Variants in PDILT observed in about 807,000 individuals in gnomAD.
PDILT encodes the protein protein disulfide isomerase like, testis expressed, also known as protein disulfide-isomerase-like protein of the testis.
In PDILT, 43 loss-of-function variants were observed where a neutral mutation model predicts 53.7. The ratio of observed to expected loss-of-function variants is 0.80; its 90% CI spans 0.63 to 1.03. PDILT has a LOEUF of 1.03. Ranked by LOEUF, PDILT falls within the 50% of genes least tolerant of loss-of-function variation. The pLI is 0.00. For missense variants in PDILT, 727 were observed against 712.3 expected, an observed-to-expected ratio of 1.02 and a Z score of -0.24; for synonymous variants, 282 against 274.2, an observed-to-expected ratio of 1.03 and a Z score of -0.28.
chr16:20,398,047 G>C (rs1966684101), intron 2 of PDILT, among the ~76,000 whole-genome samples: 1 of 152,152 alleles, frequency 6.6e-6, no homozygotes. Flanking sequence ...TCCTTTCTGA[G>C]TTTCTGTTTC....
intron 7 of PDILT, 78 bp from the exon 8 acceptor site, chr16:20,369,767 G>T: frequency 7.0e-7 from 1 of 1,434,432 alleles, no homozygotes; most frequent in East Asian, 2.3e-5. Context: ...TGTGGACTAA[G>T]GGGATGCACA....
At chr16:20,392,944 C>T (rs753360120) in intron 2 of PDILT, among the ~76,000 whole-genome samples, 5 of 152,180 alleles carry the variant, frequency 3.3e-5, no homozygotes, top group Non-Finnish European at 7.3e-5. Flanking sequence ...CCAGCCTTAT[C>T]CATCCACTGC....
At chr16:20,362,380 A>G in intron 10 of PDILT, 24 bp downstream of exon 10, 3 of 1,612,182 alleles carry the variant, frequency 1.9e-6, no homozygotes, top group Non-Finnish European at 2.5e-6. Flanking sequence ...GTTTTCAGCC[A>G]TGTGCGTCCC....
At position 20,362,449 on chromosome 16, in the gene PDILT, C is replaced by T. The variant is rs758283687; in HGVS notation, c.1371G>A (p.Leu457=). Residue 457 remains leucine, a synonymous_variant, in exon 10 of 12, where the codon CTG becomes CTA. Transcript: ENST00000302451. ...VTANDIQLMY[L]DRYPFFRLFP... is the part of the protein sequence containing the mutation. ...ACAGCCTGAAGAATGGGTACCGGTC[C>T]AGGTACATCAGCTGAATGTCATTTG... The T allele has an allele frequency of 9.9e-6, 16 of 1,614,072 alleles. No homozygotes were observed. The highest frequency in any genetic ancestry group is 1.3e-5 in the Non-Finnish European group (15 of 1,180,048).
chr16:20,371,843 C>A lies in PDILT; in HGVS notation c.918+959G>T, dbSNP rs190687216. Among the ~76,000 whole-genome samples the A allele has an allele frequency of 5.9e-5, 9 of 151,878 alleles. No homozygotes were observed. In the East Asian group the frequency reaches 1.7e-3, roughly 29 times the overall value. On this transcript the variant is annotated intron_variant, in intron 7 of 11. Coordinates refer to ENST00000302451, the MANE Select transcript of PDILT (RefSeq NM_174924.2). ...TAGAGTAAAATTGGAAAAAAAAAGA[C>A]CCCCAAGACATATATTTAACAAGAG...
At chr16:20,403,205 C>T (rs537842095) in intron 1 of PDILT, among the ~76,000 whole-genome samples, 8 of 152,286 alleles carry the variant, frequency 5.3e-5, no homozygotes, top group African/African-American at 1.9e-4. Context: ...GGTGTGGTAA[C>T]CTCCTTACTG....
intron 1 of PDILT, among the ~76,000 whole-genome samples, chr16:20,402,013 C>T (rs1379489902): frequency 6.6e-6 from 1 of 152,264 alleles, no homozygotes; most frequent in African/African-American, 2.4e-5. Flanking sequence ...CGGTCAGACT[C>T]TGGCCACCAG....
chr16:20,386,503 A>G (rs1966540067), intron 2 of PDILT, among the ~76,000 whole-genome samples: 1 of 152,198 alleles, frequency 6.6e-6, no homozygotes, highest in South Asian at 2.1e-4. Flanking sequence ...GGTCTTTTGT[A>G]AAGTGCCGCT....
At chr16:20,399,933 G>A (rs1966708156) in intron 1 of PDILT, among the ~76,000 whole-genome samples, 1 of 152,042 alleles carries the variant, frequency 6.6e-6, no homozygotes, top group Admixed American at 6.6e-5. Flanking sequence ...TCACTGCTGA[G>A]AAAGTGACTC....
intron 9 of PDILT, among the ~76,000 whole-genome samples, chr16:20,364,172 C>G (rs1406321167): frequency 1.3e-5 from 2 of 152,214 alleles, no homozygotes; most frequent in African/African-American, 4.8e-5. Context: ...GAAAATGAAG[C>G]TGCTGTTGCC....
Position 20,374,807 on chromosome 16 carries a change from G to C in PDILT, c.681+15C>G. 1 of 1,604,218 alleles carries C rather than the reference G, an allele frequency of 6.2e-7. No homozygotes were observed. The highest frequency in any genetic ancestry group is 8.5e-7 in the Non-Finnish European group (1 of 1,175,784). ...AACCAGAGACCTCTCACTAGCAATAGGATCAAAATCCTACCTTTTTGAACA... is the reference window on the plus strand; with the variant it reads ...AACCAGAGACCTCTCACTAGCAATACGATCAAAATCCTACCTTTTTGAACA... On this transcript the variant is annotated intron_variant, in intron 5 of 11. Transcript: ENST00000302451.
chr16:20,360,749 C>T, intron 10 of PDILT, 92 bp from the exon 11 acceptor site: 6 of 891,320 alleles, frequency 6.7e-6, no homozygotes, highest in East Asian at 2.4e-5. Context: ...GGTCAAATTC[C>T]TAACAACCCC....
Position 20,362,589 on chromosome 16 carries a change from G to A in PDILT, c.1238-7C>T. On this transcript the variant is annotated splice_region_variant and splice_polypyrimidine_tract_variant and intron_variant, in intron 9 of 11. Transcript: ENST00000302451. ...TTTTTAGACCAGGGTGCATCTGGAA[G>A]AGAAGGTCCATGGCTCAGGCTCACA... 6.2e-7 allele frequency: 1 copy of A among 1,614,018 alleles called. No individual in the cohort carries two copies. The highest frequency in any genetic ancestry group is 8.5e-7 in the Non-Finnish European group (1 of 1,179,926).
chr16:20,364,631 C>A (rs946015905), intron 9 of PDILT, among the ~76,000 whole-genome samples: 1 of 152,184 alleles, frequency 6.6e-6, no homozygotes, highest in Non-Finnish European at 1.5e-5. Flanking sequence ...GAAGGAACTT[C>A]AGTATCACCT....
At chr16:20,398,795 A>C (rs1396417837) in intron 2 of PDILT, among the ~76,000 whole-genome samples, 1 of 152,132 alleles carries the variant, frequency 6.6e-6, no homozygotes, top group African/African-American at 2.4e-5. Context: ...CAGAGGAGAA[A>C]GACTGAGGCT....
chr16:20,401,897 G>A (rs1205861185), intron 1 of PDILT, among the ~76,000 whole-genome samples: 1 of 152,242 alleles, frequency 6.6e-6, no homozygotes, highest in African/African-American at 2.4e-5. Context: ...CAGGTTTCCT[G>A]CTAACCTGGG....
Position 20,388,205 on chromosome 16 carries a change from G to A in PDILT, c.203-3354C>T, listed in dbSNP as rs114282548. Among the ~76,000 whole-genome samples, 386 of 152,276 alleles carry A rather than the reference G, an allele frequency of 2.5e-3. 1 individual carries two copies. The highest frequency in any genetic ancestry group is 8.8e-3 in the African/African-American group (367 of 41,548). ...CCATAATGATGATGATATTGATGGC[G>A]ATGTTGATAATGAGAATAGTAATAA... On this transcript the variant is annotated intron_variant, in intron 2 of 11. Coordinates refer to ENST00000302451, the MANE Select transcript of PDILT (RefSeq NM_174924.2).
At chr16:20,366,965 TTCCTTCCTTCCTTC>T (rs1966202857) in intron 8 of PDILT, among the ~76,000 whole-genome samples, 1 of 147,172 alleles carries the variant, frequency 6.8e-6, no homozygotes. Context: ...CCTTCCTTCC[TTCCTTCCTTCCTTC>T]CTTCCTTCCT....
At chr16:20,362,116 A>G (rs532459562) in intron 10 of PDILT, among the ~76,000 whole-genome samples, 5 of 152,364 alleles carry the variant, frequency 3.3e-5, no homozygotes, top group African/African-American at 1.2e-4. Context: ...CCCCAATGCT[A>G]GCAGGAACCA....
Sources: allele counts gnomAD v4.1 joint callset (sites outside exome capture counted in the v4.1 genomes callset), GRCh38; gene constraint gnomAD v4.1.1; transcripts MANE v1.5; gene names NCBI Gene and HGNC (gene_info 2026-07-23, HGNC 2026-07-21).